The following PTCHD4 variants were observed in gnomAD, a reference collection of about 807,000 sequenced individuals.
The protein encoded by PTCHD4 is patched domain-containing protein 4.
A neutral mutation model predicts 58.1 loss-of-function variants in PTCHD4; 33 were observed. That is an observed-to-expected ratio of 0.57 (90% CI 0.43 to 0.76). PTCHD4 has a LOEUF of 0.76. Ranked by LOEUF, PTCHD4 falls within the 30% of genes least tolerant of loss-of-function variation. PTCHD4 has a pLI of 0.00. For synonymous variants in PTCHD4, 478 were observed against 409.6 expected, an observed-to-expected ratio of 1.17 and a Z score of -2.02; for missense variants, 1,058 against 1,027.1, an observed-to-expected ratio of 1.03 and a Z score of -0.41.
intron 4 of PTCHD4, among the ~76,000 whole-genome samples, chr6:47,975,586 G>A (rs1301772738): frequency 6.6e-6 from 1 of 152,074 alleles, no homozygotes; most frequent in Admixed American, 6.6e-5. Context: ...TTGATTTTGA[G>A]AGCCACTTCT....
Position 47,878,268 on chromosome 6 carries a change from C to T in PTCHD4, c.*35G>A, listed in dbSNP as rs1763900343. ...ACTTGCCCTGCATCATTGTGCAATA[C>T]TGGAAAAGAAAAATAATCCACTGGT... On this transcript the variant is annotated 3_prime_UTR_variant, in exon 5 of 5. Transcript: ENST00000339488. 1 of 1,529,654 alleles carries T rather than the reference C, an allele frequency of 6.5e-7. No homozygotes were observed. The highest frequency in any genetic ancestry group is 2.1e-5 in the Admixed American group (1 of 47,342). 94.8% of individuals were successfully genotyped at this position (1,529,654 alleles called of 1,614,324 possible).
intron 1 of PTCHD4, among the ~76,000 whole-genome samples, chr6:48,094,908 G>A (rs895588886): frequency 6.6e-6 from 1 of 152,164 alleles, no homozygotes; most frequent in African/African-American, 2.4e-5. Flanking sequence ...AACAATAAGA[G>A]TACATACTGT....
At chr6:48,013,169 C>T (rs948592280) in intron 3 of PTCHD4, among the ~76,000 whole-genome samples, 4 of 152,028 alleles carry the variant, frequency 2.6e-5, no homozygotes, top group Non-Finnish European at 5.9e-5. Flanking sequence ...CTCTTTGTAA[C>T]TCTGGTAGAA....
rs1763736098 is a variant in PTCHD4 at position 47,872,332 on chromosome 6, T to C, written c.*5971A>G. On this transcript the variant is annotated 3_prime_UTR_variant, in exon 5 of 5. Transcript: ENST00000339488. ...GTCTTCCAAAGCATTAGAATTTTTT[T>C]CCCCCTCTGGTTTGACAGAGCCTTG... is the stretch of plus-strand genomic sequence containing the variant. 2.0e-5 allele frequency among the ~76,000 whole-genome samples: 3 copies of C among 151,670 alleles called. No homozygotes were observed. The highest frequency in any genetic ancestry group is 2.1e-4 in the South Asian group (1 of 4,828).
chr6:48,002,096 A>C (rs1768746816), intron 4 of PTCHD4, among the ~76,000 whole-genome samples: 1 of 152,236 alleles, frequency 6.6e-6, no homozygotes, highest in Non-Finnish European at 1.5e-5. Context: ...GCGATCATTA[A>C]AAAGTCAGGA....
rs371632318 is a variant in PTCHD4, at chr6:47,976,560, A to G, written c.898+32074T>C. 6.4e-4 allele frequency among the ~76,000 whole-genome samples: 97 copies of G among 152,136 alleles called. 3 individuals carry two copies. The South Asian group carries it at 0.02, about 32-fold the overall frequency. ...TCCCAGTTACTTGGGTGGCTGAGGC[A>G]GGAGAATTGCTTGAACCTGGGAGGC... On this transcript the variant is annotated intron_variant, in intron 4 of 4. Transcript: ENST00000339488.
At chr6:48,043,921 A>G (rs1434206269) in intron 3 of PTCHD4, among the ~76,000 whole-genome samples, 1 of 151,880 alleles carries the variant, frequency 6.6e-6, no homozygotes, top group African/African-American at 2.4e-5. Flanking sequence ...TCCAAAATCT[A>G]AAGTAAAATT....
intron 1 of PTCHD4, among the ~76,000 whole-genome samples, chr6:48,096,297 G>A (rs1765468445): frequency 6.6e-6 from 1 of 152,076 alleles, no homozygotes; most frequent in Non-Finnish European, 1.5e-5. Flanking sequence ...AGGGGACACA[G>A]TAAATGGGGA....
Position 48,068,717 on chromosome 6 carries a change from C to G in PTCHD4, c.6-76G>C. 1 of 1,393,366 alleles carries G rather than the reference C, an allele frequency of 7.2e-7. No individual in the cohort carries two copies. The highest frequency in any genetic ancestry group is 9.5e-7 in the Non-Finnish European group (1 of 1,049,858). The allele number at this position is 1,393,366 out of a possible 1,614,324, so 86.3% of individuals were successfully genotyped here. A position where few individuals can be genotyped will look rare whatever the true frequency, so the allele number is the denominator to read the frequency against. ...CCATCCCACCCCCTGGGGCCAGTCC[C>G]CCCTCCCCACCGCCGCCGCCTCCCC... On this transcript the variant is annotated intron_variant, in intron 2 of 4. Coordinates refer to ENST00000339488, the MANE Select transcript of PTCHD4 (RefSeq NM_001384253.1). This position sits in a 1 kb window ranked among gnomAD's most constrained non-coding sequence, Gnocchi z 4.2.
rs1433994615 is a variant in PTCHD4, at chr6:47,867,051, C to G, written c.*11252G>C. Among the ~76,000 whole-genome samples the G allele has an allele frequency of 6.6e-6, 1 of 151,758 alleles. No individual in the cohort carries two copies. The highest frequency in any genetic ancestry group is 1.5e-5 in the Non-Finnish European group (1 of 67,842). ...ACCATAGGGACATAGTACTTGTTTA[C>G]AATGTTTTCTTTCTGGGAACAATCT... On this transcript the variant is annotated 3_prime_UTR_variant, in exon 5 of 5. Transcript: ENST00000339488.
chr6:48,091,836 G>A (rs1041467084), intron 1 of PTCHD4, among the ~76,000 whole-genome samples: 1 of 151,902 alleles, frequency 6.6e-6, no homozygotes, highest in African/African-American at 2.4e-5. Context: ...TTTTAGTAGA[G>A]ACGGGGTTTT....
chr6:47,984,832 A>G (rs1050310359), intron 4 of PTCHD4, among the ~76,000 whole-genome samples: 1 of 152,142 alleles, frequency 6.6e-6, no homozygotes, highest in Admixed American at 6.5e-5. Context: ...TGAATGTAAT[A>G]TAACTTGGCT....
chr6:47,936,893 C>G (rs1172894819), intron 4 of PTCHD4, among the ~76,000 whole-genome samples: 1 of 152,088 alleles, frequency 6.6e-6, no homozygotes, highest in Non-Finnish European at 1.5e-5. Context: ...CAGTCTTAAC[C>G]TAGAGGTGGT....
chr6:47,976,655 AAAATAAAT>A (rs141002670), intron 4 of PTCHD4, among the ~76,000 whole-genome samples: 105,483 of 142,418 alleles, frequency 0.74, 39,051 homozygotes, highest in East Asian at 0.81. Flanking sequence ...ACTCCATATC[AAAATAAAT>A]AAATAAATAA....
chr6:47,972,172 C>T (rs1330968514), intron 4 of PTCHD4, among the ~76,000 whole-genome samples: 1 of 152,106 alleles, frequency 6.6e-6, no homozygotes, highest in African/African-American at 2.4e-5. Context: ...TAAATCTTCG[C>T]AGTTCATTAT....
chr6:47,985,655 T>A (rs116315245), intron 4 of PTCHD4, among the ~76,000 whole-genome samples: 120 of 152,210 alleles, frequency 7.9e-4, no homozygotes, highest in African/African-American at 2.9e-3. Context: ...ATATCCATAT[T>A]CAGATAATTT....
chr6:47,863,119 T>C lies in PTCHD4; in HGVS notation c.*15184A>G, dbSNP rs1242082217. On this transcript the variant is annotated 3_prime_UTR_variant, in exon 5 of 5. Coordinates refer to ENST00000339488, the MANE Select transcript of PTCHD4 (RefSeq NM_001384253.1). ...CTTTTTACTTAAGAGTTGGTATTTA[T>C]CAATATGATTTTTGTGTTGTATCTG... 3.9e-5 allele frequency among the ~76,000 whole-genome samples: 6 copies of C among 151,960 alleles called. No individual in the cohort carries two copies. The highest frequency in any genetic ancestry group is 1.4e-4 in the African/African-American group (6 of 41,434).
intron 4 of PTCHD4, among the ~76,000 whole-genome samples, chr6:47,975,663 C>T (rs1194620791): frequency 1.3e-5 from 2 of 152,202 alleles, no homozygotes; most frequent in African/African-American, 4.8e-5. Flanking sequence ...CCACCTGCGC[C>T]TCTTCCTGAC....
At position 47,862,812 on chromosome 6, in the gene PTCHD4, A is replaced by C. The variant is rs2114061038; in HGVS notation, c.*15491T>G. ...GAATTGTAATACTCATCTGCTCTTC[A>C]GTAACAAAGACAGGCTTCTCTAACA... On this transcript the variant is annotated 3_prime_UTR_variant, in exon 5 of 5. Coordinates refer to ENST00000339488, the MANE Select transcript of PTCHD4 (RefSeq NM_001384253.1). 6.6e-6 allele frequency among the ~76,000 whole-genome samples: 1 copy of C among 152,020 alleles called. No homozygotes were observed. Among genetic ancestry groups the C allele is most frequent in the South Asian group, 2.1e-4 (1 of 4,828 alleles).
Sources: allele counts gnomAD v4.1 joint callset (sites outside exome capture counted in the v4.1 genomes callset), GRCh38; gene constraint gnomAD v4.1.1; non-coding constraint Gnocchi (gnomAD v3.1); transcripts MANE v1.5; gene names NCBI Gene and HGNC (gene_info 2026-07-23, HGNC 2026-07-21).